The following ALAS1 variants were observed in gnomAD, a reference collection of about 807,000 sequenced individuals.
The protein encoded by ALAS1 is 5-aminolevulinate synthase, non-specific, mitochondrial.
Under a neutral mutation model 59.6 loss-of-function variants are expected in ALAS1, and 29 were observed. The observed-to-expected ratio is 0.49, with a 90% confidence interval of 0.36 to 0.66. ALAS1 has a LOEUF of 0.66. Ranked by LOEUF, ALAS1 falls within the 30% of genes least tolerant of loss-of-function variation. The pLI is 0.00. For synonymous variants in ALAS1, 299 were observed against 296.6 expected, an observed-to-expected ratio of 1.01 and a Z score of -0.08; for missense variants, 690 against 807.5, an observed-to-expected ratio of 0.85 and a Z score of 1.76.
chr3:52,200,377 G>T (rs1018621542), intron 3 of ALAS1, among the ~76,000 whole-genome samples: 1 of 152,072 alleles, frequency 6.6e-6, no homozygotes, highest in African/African-American at 2.4e-5. Context: ...CTGTCTCTAT[G>T]AATTTGACTA....
chr3:52,204,907 G>A lies in ALAS1; in HGVS notation c.792G>A (p.Gly264=). The stretch of plus-strand genomic sequence containing the variant: ...TGAGTCGCCACCCACGGGTGTGTGG[G>A]GCAGTTATGTAAGTAGCCCTTGGCT... The part of the protein sequence containing the change: ...LGMSRHPRVC[G]AVMDTLKQHG... The change falls in exon 6 of 12, where the codon GGG becomes GGA. Residue 264 remains glycine (G), a synonymous_variant. Transcript: ENST00000484952. 6.2e-7 allele frequency: 1 copy of A among 1,613,498 alleles called. No homozygotes were observed. Among genetic ancestry groups the A allele is most frequent in the East Asian group, 2.2e-5 (1 of 44,882 alleles).
chr3:52,200,992 AT>A (rs1054524626), intron 3 of ALAS1, among the ~76,000 whole-genome samples: 53 of 152,094 alleles, frequency 3.5e-4, no homozygotes, highest in African/African-American at 1.2e-3. Flanking sequence ...AAATGATAGG[AT>A]TTTTTTCTTT....
chr3:52,205,946 A>C lies in ALAS1; in HGVS notation c.908A>C (p.Lys303Thr). 1.2e-6 allele frequency: 2 copies of C among 1,614,196 alleles called. No individual in the cohort carries two copies. Among genetic ancestry groups the C allele is most frequent in the Non-Finnish European group, 1.7e-6 (2 of 1,180,010 alleles). ...CGGGAGCTGGCAGACCTCCATGGGA[A>C]AGATGCCGCACTCTTGTTTTCCTCG... is the stretch of plus-strand genomic sequence containing the variant. ...LERELADLHG[K>T]DAALLFSSCF... Residue 303 changes from lysine (K) to threonine (T), a missense_variant, in exon 7 of 12, where the codon AAA (lysine) becomes ACA (threonine). Coordinates refer to ENST00000484952, the MANE Select transcript of ALAS1 (RefSeq NM_000688.6).
chr3:52,209,658 T>C (rs1255632486), intron 9 of ALAS1, among the ~76,000 whole-genome samples: 1 of 152,212 alleles, frequency 6.6e-6, no homozygotes, highest in African/African-American at 2.4e-5. Flanking sequence ...ACATTAATTA[T>C]AGAATGTTAT....
Position 52,208,063 on chromosome 3 carries a change from A to C in ALAS1, c.1166-20A>C. On this transcript the variant is annotated intron_variant, in intron 8 of 11. Coordinates refer to ENST00000484952, the MANE Select transcript of ALAS1 (RefSeq NM_000688.6). The stretch of plus-strand genomic sequence containing the variant: ...TGAAGCGGCAAAAGCTCTTCAGAGC[A>C]GTCTCTGGTCTTTCCTCAGGGGCGG... 2 of 1,514,266 alleles carry C rather than the reference A, an allele frequency of 1.3e-6. No homozygotes were observed. Among genetic ancestry groups the C allele is most frequent in the Non-Finnish European group, 1.8e-6 (2 of 1,135,390 alleles). 93.8% of individuals were successfully genotyped at this position (1,514,266 alleles called of 1,614,324 possible).
chr3:52,203,291 A>T (rs565960064), intron 4 of ALAS1, among the ~76,000 whole-genome samples: 66 of 152,342 alleles, frequency 4.3e-4, no homozygotes, highest in African/African-American at 1.5e-3. Context: ...CTATAATCCC[A>T]GCACTTTGGG....
intron 8 of ALAS1, 32 bp from the exon 9 acceptor site, chr3:52,208,051 G>T: frequency 6.7e-7 from 1 of 1,482,434 alleles, no homozygotes; most frequent in Non-Finnish European, 8.9e-7. Context: ...AGCGGCAAAA[G>T]CTCTTCAGAG....
Position 52,209,225 on chromosome 3 carries a change from C to T in ALAS1, c.1330+978C>T, listed in dbSNP as rs376130034. The stretch of plus-strand genomic sequence containing the variant: ...TCTTTTCTTTTTTTTCTTTTTTTTC[C>T]GAGATGGAGTGTCACTCTGTTGCCC... On this transcript the variant is annotated intron_variant, in intron 9 of 11. Coordinates refer to ENST00000484952, the MANE Select transcript of ALAS1 (RefSeq NM_000688.6). 8.6e-5 allele frequency among the ~76,000 whole-genome samples: 13 copies of T among 151,654 alleles called. No individual in the cohort carries two copies. In the East Asian group the frequency reaches 1.5e-3, roughly 18 times the overall value.
At chr3:52,199,535 A>C in intron 3 of ALAS1, 95 bp downstream of exon 3, 10 of 1,194,512 alleles carry the variant, frequency 8.4e-6, no homozygotes, top group Non-Finnish European at 1.2e-5. Flanking sequence ...GGTCACACTC[A>C]CTCACAGAGG....
rs192400385 is a variant in ALAS1, at chr3:52,204,149, C to T, written c.577+137C>T. 6.4e-4 allele frequency: 570 copies of T among 886,702 alleles called. 3 individuals are homozygous for T. Among genetic ancestry groups the T allele is most frequent in the Middle Eastern group, 4.3e-3 (12 of 2,782 alleles). 54.9% of individuals were successfully genotyped at this position (886,702 alleles called of 1,614,324 possible). On this transcript the variant is annotated intron_variant, in intron 5 of 11. Coordinates refer to ENST00000484952, the MANE Select transcript of ALAS1 (RefSeq NM_000688.6). ...ATCCCAGCACTTTGGGAGGCTGAAG[C>T]GGGAGAAGATCACTTGAGGCCAGGA...
chr3:52,209,036 T>C (rs938489460), intron 9 of ALAS1, among the ~76,000 whole-genome samples: 1 of 152,166 alleles, frequency 6.6e-6, no homozygotes, highest in Non-Finnish European at 1.5e-5. Flanking sequence ...AATGCCAGTT[T>C]ATAGCCTATG....
At chr3:52,201,687 G>A (rs754850953) in intron 3 of ALAS1, among the ~76,000 whole-genome samples, 1 of 152,164 alleles carries the variant, frequency 6.6e-6, no homozygotes, top group East Asian at 1.9e-4. Context: ...GAGCCTGGAG[G>A]TCAAAGCTGC....
intron 11 of ALAS1, among the ~76,000 whole-genome samples, chr3:52,213,070 C>G (rs1226151369): frequency 6.6e-6 from 1 of 152,076 alleles, no homozygotes; most frequent in African/African-American, 2.4e-5. Context: ...CTCCGGAGTC[C>G]ACCTCACATT....
At chr3:52,199,093 A>G in intron 2 of ALAS1, 117 bp from the exon 3 acceptor site, 9 of 1,099,160 alleles carry the variant, frequency 8.2e-6, no homozygotes, top group Non-Finnish European at 1.2e-5. Flanking sequence ...TTTTTGAGGG[A>G]GAAGTGTTAG....
At chr3:52,202,325 G>C (rs1699202805) in intron 3 of ALAS1, among the ~76,000 whole-genome samples, 182 bp from the exon 4 acceptor site, 1 of 152,142 alleles carries the variant, frequency 6.6e-6, no homozygotes, top group Admixed American at 6.5e-5. Flanking sequence ...ACTCCAACCT[G>C]GGGTACAGAG....
Position 52,212,409 on chromosome 3 carries a change from A to T in ALAS1, c.1751A>T (p.Asn584Ile). ...PTPHHTPQMM[N>I]YFLENLLVTW... ...CCTCACCACACACCCCAGATGATGA[A>T]CTACTTCCTTGGTGAGTACCTGGGG... Residue 584 changes from asparagine to isoleucine, a missense_variant, in exon 11 of 12, where the codon AAC (asparagine) becomes ATC (isoleucine). Coordinates refer to ENST00000484952, the MANE Select transcript of ALAS1 (RefSeq NM_000688.6). 6.2e-7 allele frequency: 1 copy of T among 1,613,958 alleles called. No homozygotes were observed. Among genetic ancestry groups the T allele is most frequent in the Non-Finnish European group, 8.5e-7 (1 of 1,179,998 alleles).
chr3:52,212,469 C>T (rs1464804096), intron 11 of ALAS1, 49 bp downstream of exon 11: 2 of 1,605,442 alleles, frequency 1.2e-6, no homozygotes, highest in Non-Finnish European at 1.7e-6. Context: ...TTGCATAAAG[C>T]TGTCTTTGCA....
chr3:52,208,437 C>T (rs1699339335), intron 9 of ALAS1, among the ~76,000 whole-genome samples, 190 bp downstream of exon 9: 1 of 152,176 alleles, frequency 6.6e-6, no homozygotes, highest in South Asian at 2.1e-4. Context: ...CAAAGTAAAT[C>T]CCACAGCCTA....
chr3:52,201,970 A>G (rs983210159), intron 3 of ALAS1, among the ~76,000 whole-genome samples: 9 of 152,332 alleles, frequency 5.9e-5, no homozygotes, highest in African/African-American at 2.2e-4. Flanking sequence ...TTAAGAGGCA[A>G]CTGGAATGTG....
Sources: gnomAD v4.1 joint callset for allele counts (sites outside exome capture counted in the v4.1 genomes callset) on GRCh38, gnomAD v4.1.1 for gene constraint, MANE v1.5 for transcripts, NCBI Gene and HGNC (gene_info 2026-07-23, HGNC 2026-07-21) for gene names.